The following NBPF9 variants were observed in gnomAD, a reference collection of about 807,000 sequenced individuals.
NBPF9 encodes the protein NBPF member 9.
In NBPF9, 91 loss-of-function variants were observed where a neutral mutation model predicts 97.8. The ratio of observed to expected loss-of-function variants is 0.93; its 90% CI spans 0.79 to 1.11. The LOEUF is 1.11. Ranked by LOEUF, NBPF9 falls within the 50% of genes least tolerant of loss-of-function variation. The pLI, the probability that NBPF9 is intolerant of heterozygous loss-of-function variation, is 0.00. For missense variants in NBPF9, 992 were observed against 939.5 expected, an observed-to-expected ratio of 1.06 and a Z score of -0.73; for synonymous variants, 334 against 359.5, an observed-to-expected ratio of 0.93 and a Z score of 0.80.
chr1:149,077,505 G>A lies in NBPF9; in HGVS notation c.567-86C>T, dbSNP rs1288068297. The stretch of plus-strand genomic sequence containing the variant: ...GGAGTACTAGCTGGTTTTGACAGGC[G>A]GCATTAAGAGAGTGGTTCCAGAAAG... On this transcript the variant is annotated intron_variant, in intron 10 of 29. Transcript: ENST00000584027. The A allele has an allele frequency of 4.3e-5, 68 of 1,576,632 alleles. 1 individual carries two copies. The highest frequency in any genetic ancestry group is 2.3e-4 in the Middle Eastern group (1 of 4,372).
In NBPF9 at chr1:149,062,856, A is replaced by G. The variant is rs1553650476; in HGVS notation, c.2078+6T>C. ...GAATTAAGCATCCATAATTGCTCAA[A>G]GTTACCTGGGGCATGATGGGTCTTG... On this transcript the variant is annotated splice_donor_region_variant and intron_variant, in intron 21 of 29. Coordinates refer to ENST00000584027, the Ensembl canonical transcript of NBPF9. 1.5e-6 allele frequency: 1 copy of G among 670,854 alleles called. No individual in the cohort carries two copies. Among genetic ancestry groups the G allele is most frequent in the Non-Finnish European group, 2.6e-6 (1 of 378,260 alleles). 41.6% of individuals were successfully genotyped at this position (670,854 alleles called of 1,614,324 possible). A position where few individuals can be genotyped will look rare whatever the true frequency, so the allele number is the denominator to read the frequency against.
intron 25 of NBPF9, 76 bp from the exon 26 acceptor site, chr1:149,059,173 T>G (rs1357078195): frequency 2.4e-6 from 1 of 421,648 alleles, no homozygotes; most frequent in East Asian, 3.0e-5. Flanking sequence ...ATTTCATGGC[T>G]AACATAAGGA....
intron 18 of NBPF9, chr1:149,064,745 G>A (rs587698130): frequency 9.8e-5 from 60 of 615,136 alleles, no homozygotes; most frequent in South Asian, 4.9e-4. Context: ...ACACAAATGC[G>A]CGATTTTTTT....
exon 22 of NBPF9, chr1:149,062,097 C>G (rs781809681): frequency 1.7e-6 from 2 of 1,209,248 alleles, no homozygotes; most frequent in South Asian, 1.2e-5. Flanking sequence ...ACTCACTGTC[C>G]AAGTCAAGAG....
chr1:149,062,273 A>T lies in NBPF9; in HGVS notation c.2079-8T>A, dbSNP rs1213097215. The T allele has an allele frequency of 4.5e-6, 3 of 660,006 alleles. No individual in the cohort carries two copies. The highest frequency in any genetic ancestry group is 8.2e-6 in the Non-Finnish European group (3 of 366,450). The allele number at this position is 660,006 out of a possible 1,614,324, so 40.9% of individuals were successfully genotyped here. ...AGCAGCTCCCTGCTGAGCCTGGAAA[A>T]GTAGGAAAAAGTAAAGAATAAGCCA... On this transcript the variant is annotated splice_polypyrimidine_tract_variant and splice_region_variant and intron_variant, in intron 21 of 29. Coordinates refer to ENST00000584027, the Ensembl canonical transcript of NBPF9.
rs2078994212 is a variant in NBPF9, at chr1:149,065,646, AG to A, written c.1680del (p.Trp561GlyfsTer28). The A allele has an allele frequency of 6.2e-7, 1 of 1,603,324 alleles. No individual in the cohort carries two copies. The highest frequency in any genetic ancestry group is 1.3e-5 in the African/African-American group (1 of 74,392). On this transcript the variant is annotated frameshift_variant, in exon 18 of 30. Coordinates refer to ENST00000584027, the Ensembl canonical transcript of NBPF9. LOFTEE classifies it high-confidence loss of function. The stretch of plus-strand genomic sequence containing the variant: ...GAGGGAGTCGAATAACCTTCATCCC[AG>A]GACTCCTGGGGGACTTCCTCCTCTT...
intron 14 of NBPF9, among the ~76,000 whole-genome samples, chr1:149,072,168 C>T (rs1291343091): frequency 3.3e-5 from 5 of 151,196 alleles, no homozygotes; most frequent in African/African-American, 1.2e-4. Flanking sequence ...GTCTGAAGCA[C>T]TTCCTACCAC....
intron 7 of NBPF9, among the ~76,000 whole-genome samples, chr1:149,081,356 G>C (rs2080422892): frequency 2.0e-5 from 3 of 151,918 alleles, no homozygotes; most frequent in African/African-American, 2.4e-5. Flanking sequence ...CTGACCTCGT[G>C]CTCTGCCCGC....
chr1:149,089,689 C>T (rs1344088651), intron 5 of NBPF9, among the ~76,000 whole-genome samples: 6 of 152,424 alleles, frequency 3.9e-5, no homozygotes, highest in African/African-American at 1.2e-4. Flanking sequence ...AAAGACAGCT[C>T]AGCGTAAAGC....
intron 17 of NBPF9, among the ~76,000 whole-genome samples, chr1:149,067,344 G>A (rs1358792359): frequency 8.0e-6 from 1 of 125,156 alleles, no homozygotes; most frequent in African/African-American, 3.1e-5. Flanking sequence ...AAGTCTTAGG[G>A]TACATGTGCA....
At chr1:149,055,943 G>A (rs77522596) in intron 29 of NBPF9, 44 bp from the exon 30 acceptor site, 31 of 1,611,630 alleles carry the variant, frequency 1.9e-5, no homozygotes, top group African/African-American at 6.7e-5. Context: ...GGGAAAATCA[G>A]ACACCACAGA....
At chr1:149,054,269 A>AC (rs1301954403) in exon 30 of NBPF9, 2 of 114,120 alleles carry the variant, frequency 1.8e-5, no homozygotes, top group Non-Finnish European at 3.7e-5. Flanking sequence ...AAAAATTGAG[A>AC]CCCAAAATTT....
chr1:149,058,504 C>T (rs1194674894), intron 26 of NBPF9, among the ~76,000 whole-genome samples: 1 of 17,218 alleles, frequency 5.8e-5, no homozygotes, highest in South Asian at 1.6e-3. Context: ...AAAGAAAATG[C>T]CCCAGATGAT....
At chr1:149,055,750 A>C (rs2078170728) in exon 30 of NBPF9, 1 of 1,611,742 alleles carries the variant, frequency 6.2e-7, no homozygotes, top group African/African-American at 1.3e-5. Context: ...GGCGAAGCTG[A>C]TGTGCTGTTC....
At chr1:149,064,054 T>A (rs1264362409) in intron 19 of NBPF9, among the ~76,000 whole-genome samples, 68,099 of 115,342 alleles carry the variant, frequency 0.59, 22,574 homozygotes, top group African/African-American at 0.81. Context: ...AGCTGAGTGA[T>A]TTGGTCAGGT....
At chr1:149,085,435 C>T (rs2080912924) in intron 5 of NBPF9, among the ~76,000 whole-genome samples, 3 of 152,086 alleles carry the variant, frequency 2.0e-5, no homozygotes, top group Non-Finnish European at 4.4e-5. Context: ...TATCGACTTG[C>T]TTATTCTAGG....
intron 15 of NBPF9, 151 bp from the exon 16 acceptor site, chr1:149,071,290 C>A: frequency 7.3e-7 from 1 of 1,375,616 alleles, no homozygotes; most frequent in Non-Finnish European, 1.0e-6. Flanking sequence ...AGGTAATCCT[C>A]TTCTCTCTGC....
intron 27 of NBPF9, among the ~76,000 whole-genome samples, chr1:149,057,744 C>CACAAACACACAA (rs1559516934): frequency 9.6e-6 from 1 of 103,920 alleles, no homozygotes; most frequent in African/African-American, 3.3e-5. Context: ...CACACACACA[C>CACAAACACACAA]ACACACACAG....
chr1:149,086,196 G>A (rs1219606099), intron 5 of NBPF9, among the ~76,000 whole-genome samples: 1 of 148,882 alleles, frequency 6.7e-6, no homozygotes, highest in Non-Finnish European at 1.5e-5. Context: ...GCATCCATAC[G>A]TGGCAGGCCA....
Sources: allele counts gnomAD v4.1 joint callset (sites outside exome capture counted in the v4.1 genomes callset), GRCh38; gene constraint gnomAD v4.1.1; transcripts MANE v1.5; gene names NCBI Gene and HGNC (gene_info 2026-07-23, HGNC 2026-07-21).